The following DNAH14 variants were observed in gnomAD, a reference collection of about 807,000 sequenced individuals.
DNAH14 encodes dynein axonemal heavy chain 14, also known as axonemal beta dynein heavy chain 14.
A neutral mutation model predicts 520.9 loss-of-function variants in DNAH14; 478 were observed. The ratio of observed to expected loss-of-function variants is 0.92; its 90% CI spans 0.85 to 0.99. DNAH14 has a LOEUF of 0.99. Among genes scored for constraint, DNAH14 ranks in the 50% least tolerant of loss-of-function variants. DNAH14 has a pLI of 0.00. For missense variants in DNAH14, 4,831 were observed against 5,234.5 expected (o/e 0.92, Z 2.38); for synonymous variants, 1,581 against 1,757.2 (o/e 0.90, Z 2.51).
chr1:225,283,257 A>G (rs2093664194), intron 54 of DNAH14, among the ~76,000 whole-genome samples: 1 of 152,062 alleles, frequency 6.6e-6, no homozygotes, highest in Admixed American at 6.6e-5. Context: ...TTTAAAGAAC[A>G]AAATCCAACT....
chr1:224,951,399 A>ATTT (rs35121883), intron 1 of DNAH14, among the ~76,000 whole-genome samples: 5 of 146,908 alleles, frequency 3.4e-5, no homozygotes, highest in South Asian at 2.2e-4. Flanking sequence ...TGATTTAGGG[A>ATTT]TTTTTTTTTT....
rs780334988 is a variant in DNAH14 at position 225,206,131 on chromosome 1, C to T, written c.6138C>T (p.Leu2046=). Residue 2046 remains leucine (L), a synonymous_variant, in exon 40 of 86, where the codon CTC becomes CTT. Coordinates refer to ENST00000682510, the MANE Select transcript of DNAH14 (RefSeq NM_001367479.1). ...KIRVIFEVDN[L]SQASPATVSR... is the part of the protein sequence containing the mutation. Reference sequence around the variant, plus strand: ...GAGTGATTTTTGAAGTGGACAATCTCTCTCAGGCCAGTCCTGCTACTGTCA... The same window carrying T: ...GAGTGATTTTTGAAGTGGACAATCTTTCTCAGGCCAGTCCTGCTACTGTCA... 1 of 1,551,446 alleles carries T rather than the reference C, an allele frequency of 6.4e-7. No individual in the cohort carries two copies. The highest frequency in any genetic ancestry group is 8.7e-7 in the Non-Finnish European group (1 of 1,146,810).
chr1:225,071,788 A>G (rs2148494782), intron 17 of DNAH14, among the ~76,000 whole-genome samples: 1 of 152,292 alleles, frequency 6.6e-6, no homozygotes, highest in East Asian at 1.9e-4. Flanking sequence ...AGTGCCAAAC[A>G]AAAGGCAGGA....
In DNAH14 at chr1:225,159,370, T is replaced by C; in HGVS notation, c.5330T>C (p.Ile1777Thr). The change falls in exon 35 of 86, where the codon ATA (isoleucine) becomes ACA (threonine). Residue 1777 changes from isoleucine to threonine, a missense_variant. Ile to Thr is a moderately conservative substitution (Grantham distance 89). Coordinates refer to ENST00000682510, the MANE Select transcript of DNAH14 (RefSeq NM_001367479.1). ...GAAACCTTGATTGTTATCGAGGCTATAAGAGAAGCTAGTTTGCCAAAATGT... is the reference window on the plus strand; with the variant it reads ...GAAACCTTGATTGTTATCGAGGCTACAAGAGAAGCTAGTTTGCCAAAATGT... ...ADETLIVIEA[I>T]REASLPKCPP... The C allele has an allele frequency of 6.4e-7, 1 of 1,551,748 alleles. No individual in the cohort carries two copies.
chr1:225,328,531 G>A lies in DNAH14; in HGVS notation c.9724-2906G>A, dbSNP rs118151162. ...TAACTCCATCAGTTTTAAGCCCTTCGTGGAAATTTTCTCCTCACTCAGCTA... is the reference window on the plus strand; with the variant it reads ...TAACTCCATCAGTTTTAAGCCCTTCATGGAAATTTTCTCCTCACTCAGCTA... On this transcript the variant is annotated intron_variant, in intron 64 of 85. Transcript: ENST00000682510. Among the ~76,000 whole-genome samples, 12 of 152,058 alleles carry A rather than the reference G, an allele frequency of 7.9e-5. No individual in the cohort carries two copies. The East Asian group carries it at 2.1e-3, about 27-fold the overall frequency.
At chr1:225,200,753 G>T (rs552764322) in intron 38 of DNAH14, among the ~76,000 whole-genome samples, 1 of 152,206 alleles carries the variant, frequency 6.6e-6, no homozygotes, top group African/African-American at 2.4e-5. Flanking sequence ...TTCCTTTATA[G>T]GTTACCTGGT....
chr1:225,209,581 C>T (rs918921556), intron 41 of DNAH14, among the ~76,000 whole-genome samples: 4 of 151,886 alleles, frequency 2.6e-5, no homozygotes, highest in African/African-American at 7.3e-5. Flanking sequence ...GATTAAAGAA[C>T]GATTCTAAGA....
In DNAH14 at chr1:225,322,829, A is replaced by G; in HGVS notation, c.9495+6A>G. 1 of 1,544,992 alleles carries G rather than the reference A, an allele frequency of 6.5e-7. No individual in the cohort carries two copies. On this transcript the variant is annotated splice_donor_region_variant and intron_variant, in intron 62 of 85. Coordinates refer to ENST00000682510, the MANE Select transcript of DNAH14 (RefSeq NM_001367479.1). ...AGGACAGCATACCTGATAAGGTAAA[A>G]AGTTGATCTCTAATTGATGCATCTC...
chr1:225,322,112 A>G (rs1264384145), intron 61 of DNAH14, among the ~76,000 whole-genome samples: 1 of 75,940 alleles, frequency 1.3e-5, no homozygotes, highest in East Asian at 4.8e-4. Flanking sequence ...TTTTTTTGAG[A>G]CAGTGTCTCA....
At chr1:225,283,611 A>G (rs537426393) in intron 54 of DNAH14, among the ~76,000 whole-genome samples, 2 of 152,300 alleles carry the variant, frequency 1.3e-5, no homozygotes, top group South Asian at 4.1e-4. Flanking sequence ...CTTCACTCTT[A>G]ATAATTGATA....
At chr1:225,068,491 A>T (rs2071174506) in intron 17 of DNAH14, among the ~76,000 whole-genome samples, 1 of 152,114 alleles carries the variant, frequency 6.6e-6, no homozygotes, top group Non-Finnish European at 1.5e-5. Flanking sequence ...GAAGAATGTC[A>T]ATGGTAGTTT....
chr1:225,357,799 T>C (rs1044442055), intron 73 of DNAH14: 2 of 702,090 alleles, frequency 2.8e-6, no homozygotes, highest in African/African-American at 3.5e-5. Context: ...CAGTTTTGCT[T>C]TAAATGATGG....
intron 43 of DNAH14, among the ~76,000 whole-genome samples, chr1:225,245,042 C>T (rs1371366868): frequency 2.6e-5 from 4 of 152,086 alleles, no homozygotes; most frequent in African/African-American, 7.2e-5. Context: ...GATTCTGGTA[C>T]ATGTGCCTTT....
At chr1:225,211,817 A>G (rs2088463961) in intron 41 of DNAH14, among the ~76,000 whole-genome samples, 1 of 152,152 alleles carries the variant, frequency 6.6e-6, no homozygotes, top group Admixed American at 6.5e-5. Context: ...CCTACAAGCC[A>G]GAAGAGAGTG....
intron 59 of DNAH14, 147 bp downstream of exon 59, chr1:225,307,716 GT>G: frequency 3.8e-6 from 2 of 531,176 alleles, no homozygotes; most frequent in Non-Finnish European, 6.2e-6. Flanking sequence ...AAAATAGCTT[GT>G]TTTTTTAGTC....
intron 54 of DNAH14, among the ~76,000 whole-genome samples, chr1:225,286,377 A>C (rs628211): frequency 0.012 from 1,859 of 152,302 alleles, 32 homozygotes; most frequent in African/African-American, 0.042. Flanking sequence ...ATTATACATT[A>C]TATGTTCATA....
chr1:225,157,750 C>A (rs2081178494), intron 34 of DNAH14, among the ~76,000 whole-genome samples: 1 of 152,082 alleles, frequency 6.6e-6, no homozygotes, highest in Non-Finnish European at 1.5e-5. Flanking sequence ...AGTCTGGAAC[C>A]CTTTTTTGCT....
intron 55 of DNAH14, among the ~76,000 whole-genome samples, chr1:225,299,764 A>G (rs561080079): frequency 3.3e-4 from 51 of 152,252 alleles, no homozygotes; most frequent in Non-Finnish European, 6.6e-4. Context: ...ATTGCTTTTC[A>G]TGTGACTCAA....
intron 36 of DNAH14, among the ~76,000 whole-genome samples, chr1:225,177,481 A>G (rs956786283): frequency 6.6e-6 from 1 of 152,156 alleles, no homozygotes; most frequent in African/African-American, 2.4e-5. Context: ...ACTGGGGAAA[A>G]TGTCTCCAGG....
Sources: allele counts gnomAD v4.1 joint callset (sites outside exome capture counted in the v4.1 genomes callset), GRCh38; gene constraint gnomAD v4.1.1; transcripts MANE v1.5; gene names NCBI Gene and HGNC (gene_info 2026-07-23, HGNC 2026-07-21).